Variants in USP34 observed in about 807,000 individuals in gnomAD.
USP34 encodes ubiquitin specific peptidase 34.
USP34 carries 70 observed loss-of-function variants against 460.3 expected under a neutral mutation model. That is an observed-to-expected ratio of 0.15 (90% CI 0.13 to 0.19). The LOEUF is 0.19. Ranked by LOEUF, USP34 falls within the 10% of genes least tolerant of loss-of-function variation. The probability of loss-of-function intolerance (pLI) is 1.00; values close to 1 mark genes in which losing one functional copy is unlikely to be tolerated. For missense variants in USP34, 3,985 were observed against 4,236.2 expected, an observed-to-expected ratio of 0.94 and a Z score of 1.65; for synonymous variants, 1,647 against 1,405.3, an observed-to-expected ratio of 1.17 and a Z score of -3.85.
chr2:61,233,892 C>T (rs1053631216), intron 57 of USP34, among the ~76,000 whole-genome samples: 1 of 151,022 alleles, frequency 6.6e-6, no homozygotes, highest in South Asian at 2.1e-4. Flanking sequence ...TCTAATATTA[C>T]TGGGAGTGAA....
intron 10 of USP34, 53 bp from the exon 11 acceptor site, chr2:61,350,746 G>C: frequency 2.6e-6 from 4 of 1,553,420 alleles, no homozygotes; most frequent in South Asian, 2.5e-5. Flanking sequence ...AATACATGTA[G>C]ATTACCTGAT....
intron 3 of USP34, among the ~76,000 whole-genome samples, chr2:61,403,256 A>T (rs1693773399): frequency 6.6e-6 from 1 of 152,168 alleles, no homozygotes; most frequent in South Asian, 2.1e-4. Context: ...GCCTACATTT[A>T]GAGATTACCA....
chr2:61,270,170 G>C (rs1272192679), intron 41 of USP34, among the ~76,000 whole-genome samples: 1 of 152,138 alleles, frequency 6.6e-6, no homozygotes, highest in Non-Finnish European at 1.5e-5. Flanking sequence ...TTAGAAGGTG[G>C]GACCTTTGGA....
intron 16 of USP34, among the ~76,000 whole-genome samples, chr2:61,342,092 AACAC>A (rs779882205): frequency 2.6e-5 from 4 of 152,056 alleles, no homozygotes; most frequent in Non-Finnish European, 4.4e-5. Flanking sequence ...ATAATGGACT[AACAC>A]ACAGTTCTCC....
At chr2:61,261,933 T>C (rs951931817) in intron 43 of USP34, among the ~76,000 whole-genome samples, 1 of 151,476 alleles carries the variant, frequency 6.6e-6, no homozygotes, top group African/African-American at 2.4e-5. Context: ...TTAAACCCTG[T>C]CTCTGCTAAA....
At chr2:61,189,304 T>G (rs1288920760) in intron 78 of USP34, 3 of 402,302 alleles carry the variant, frequency 7.5e-6, no homozygotes, top group African/African-American at 6.3e-5. Context: ...GATGGAGTCT[T>G]GTTCTTTGGC....
chr2:61,216,647 G>A (rs918104047), intron 67 of USP34, among the ~76,000 whole-genome samples: 9 of 151,584 alleles, frequency 5.9e-5, no homozygotes, highest in South Asian at 2.1e-4. Flanking sequence ...GGCTGGGTAC[G>A]GTGACTCATG....
Position 61,332,007 on chromosome 2 carries a change from G to A in USP34, c.2835-636C>T, listed in dbSNP as rs1270014023. ...CTCTAAGTTCCATGTAATTTACATC[G>A]TGTTTCTGTTATAGCCATATTTTAA... On this transcript the variant is annotated intron_variant, in intron 19 of 79. Coordinates refer to ENST00000398571, the MANE Select transcript of USP34 (RefSeq NM_014709.4). 2.0e-5 allele frequency among the ~76,000 whole-genome samples: 3 copies of A among 151,914 alleles called. No homozygotes were observed. The East Asian group carries it at 5.8e-4, about 29-fold the overall frequency.
chr2:61,224,314 T>C (rs1220371247), intron 62 of USP34, among the ~76,000 whole-genome samples: 1 of 152,196 alleles, frequency 6.6e-6, no homozygotes, highest in Non-Finnish European at 1.5e-5. Flanking sequence ...ATTGTATCCT[T>C]ATGGTGCTGT....
intron 3 of USP34, among the ~76,000 whole-genome samples, chr2:61,396,690 G>A (rs946107640): frequency 2.6e-5 from 4 of 151,848 alleles, no homozygotes; most frequent in Non-Finnish European, 5.9e-5. Flanking sequence ...GGGTTTCACC[G>A]TGTTAGCCAG....
chr2:61,191,669 TTC>T (rs1686647677), intron 76 of USP34, among the ~76,000 whole-genome samples: 1 of 152,056 alleles, frequency 6.6e-6, no homozygotes, highest in Non-Finnish European at 1.5e-5. Context: ...GCACAGTGAG[TTC>T]TGTCTGTGAA....
At chr2:61,229,714 T>C in intron 58 of USP34, 81 bp from the exon 59 acceptor site, 1 of 1,213,700 alleles carries the variant, frequency 8.2e-7, no homozygotes, top group Non-Finnish European at 1.2e-6. Context: ...TTCAAAATTC[T>C]CTGCCACCCA....
intron 16 of USP34, 138 bp from the exon 17 acceptor site, chr2:61,339,819 A>ATTTTG (rs10562156): frequency 2.5e-5 from 11 of 431,812 alleles, no homozygotes; most frequent in Admixed American, 4.4e-5. Context: ...TTAGCACAAT[A>ATTTTG]TTTTGTTTTG....
rs565083805 is a variant in USP34 at position 61,470,774 on chromosome 2, G to A, written c.-82C>T. The A allele has an allele frequency of 5.0e-5, 65 of 1,290,902 alleles. 1 individual carries two copies. The highest frequency in any genetic ancestry group is 6.6e-5 in the Non-Finnish European group (61 of 922,618). The allele number at this position is 1,290,902 out of a possible 1,614,324, so 80.0% of individuals were successfully genotyped here. On this transcript the variant is annotated 5_prime_UTR_variant, in exon 1 of 80. Coordinates refer to ENST00000398571, the MANE Select transcript of USP34 (RefSeq NM_014709.4). ...CGGCGGGGGGGAGGGGAGAGAGGCG[G>A]AGGAGGGGGCCGGCCGGCCGGCGGG...
chr2:61,330,525 T>A (rs1214288003), intron 20 of USP34, among the ~76,000 whole-genome samples: 1 of 152,240 alleles, frequency 6.6e-6, no homozygotes, highest in Non-Finnish European at 1.5e-5. Context: ...TTCTACAGTC[T>A]GCTTAGTTTC....
At chr2:61,406,513 A>G (rs1693874757) in intron 2 of USP34, among the ~76,000 whole-genome samples, 1 of 152,118 alleles carries the variant, frequency 6.6e-6, no homozygotes, top group Non-Finnish European at 1.5e-5. Flanking sequence ...TGGTTATTTA[A>G]TATAAGGAAT....
At chr2:61,265,850 TA>T (rs1444686844) in intron 42 of USP34, 133 bp downstream of exon 42, 1 of 908,086 alleles carries the variant, frequency 1.1e-6, no homozygotes, top group Non-Finnish European at 1.5e-6. Context: ...TTTTTAACTT[TA>T]ATAACACCCT....
intron 43 of USP34, among the ~76,000 whole-genome samples, chr2:61,260,288 A>G (rs548897328): frequency 2.6e-5 from 4 of 152,206 alleles, no homozygotes; most frequent in Non-Finnish European, 5.9e-5. Context: ...CAAATTCAGG[A>G]ATCTGGCTAG....
At chr2:61,236,622 G>C (rs955669639) in intron 53 of USP34, among the ~76,000 whole-genome samples, 1 of 151,926 alleles carries the variant, frequency 6.6e-6, no homozygotes, top group African/African-American at 2.4e-5. Context: ...GGTTTTTATT[G>C]TATTTATAAA....
Sources: gnomAD v4.1 joint callset for allele counts (sites outside exome capture counted in the v4.1 genomes callset) on GRCh38, gnomAD v4.1.1 for gene constraint, MANE v1.5 for transcripts, NCBI Gene and HGNC (gene_info 2026-07-23, HGNC 2026-07-21) for gene names.